UGT1A9: variants seen among roughly 807,000 people sequenced by gnomAD.
UGT1A9 encodes UDP-glucuronosyltransferase 1A9.
In UGT1A9, 35 loss-of-function variants were observed where a neutral mutation model predicts 45.0. That is an observed-to-expected ratio of 0.78 (90% CI 0.59 to 1.03). The LOEUF (loss-of-function observed/expected upper bound fraction) is 1.03, where lower values mean the gene tolerates loss of function less well. Ranked by LOEUF, UGT1A9 falls within the 50% of genes least tolerant of loss-of-function variation. The pLI is 0.00. For missense variants in UGT1A9, 687 were observed against 666.6 expected, an observed-to-expected ratio of 1.03 and a Z score of -0.34; for synonymous variants, 278 against 250.6, an observed-to-expected ratio of 1.11 and a Z score of -1.03.
intron 1 of UGT1A9, among the ~76,000 whole-genome samples, chr2:233,736,119 C>T (rs933260681): frequency 3.9e-5 from 6 of 152,336 alleles, no homozygotes; most frequent in South Asian, 2.1e-4. Context: ...CAACTTGTTT[C>T]CATTCTCCGC....
chr2:233,755,241 A>T, intron 1 of UGT1A9: 1 of 865,322 alleles, frequency 1.2e-6, no homozygotes. Context: ...CTACCGGGGT[A>T]CTCCCAGCAC....
Position 233,690,572 on chromosome 2 carries a change from C to CT in UGT1A9, c.855+17784dup, listed in dbSNP as rs776258044. The CT allele has an allele frequency of 3.1e-6, 4 of 1,288,646 alleles. No individual in the cohort carries two copies. In the South Asian group the frequency reaches 3.7e-5, roughly 12 times the overall value. 79.8% of individuals were successfully genotyped at this position (1,288,646 alleles called of 1,614,324 possible). On this transcript the variant is annotated intron_variant, in intron 1 of 4. Coordinates refer to ENST00000354728, the MANE Select transcript of UGT1A9 (RefSeq NM_021027.3). ...ATGTCCCAAGCCTGAGTCATTCAGC[C>CT]TGCAGCAATCCCTGAGAAAAAAAAA...
At chr2:233,756,457 C>A (rs1258626961) in intron 1 of UGT1A9, 1 of 151,910 alleles carries the variant, frequency 6.6e-6, no homozygotes, top group Non-Finnish European at 1.5e-5. Context: ...CAAATATTTT[C>A]AATCTGCTGT....
At chr2:233,767,818 C>T (rs766005162) in intron 2 of UGT1A9, 31 bp from the exon 3 acceptor site, 60 of 1,614,028 alleles carry the variant, frequency 3.7e-5, no homozygotes, top group Non-Finnish European at 4.5e-5. Context: ...TATGTTCTTT[C>T]TTTACGTTCT....
intron 1 of UGT1A9, among the ~76,000 whole-genome samples, chr2:233,749,032 A>G (rs1468122905): frequency 5.3e-5 from 8 of 151,716 alleles, no homozygotes; most frequent in Non-Finnish European, 1.2e-4. Flanking sequence ...TTTGGGGTTC[A>G]TTGATGTGGT....
chr2:233,688,596 C>T (rs544996820), intron 1 of UGT1A9, among the ~76,000 whole-genome samples: 2 of 152,264 alleles, frequency 1.3e-5, no homozygotes, highest in African/African-American at 4.8e-5. Context: ...GTTGGTGTTA[C>T]AGAATAACAC....
intron 1 of UGT1A9, among the ~76,000 whole-genome samples, chr2:233,762,877 CTT>C (rs1394473755): frequency 6.6e-6 from 1 of 152,136 alleles, no homozygotes; most frequent in East Asian, 1.9e-4. Flanking sequence ...GGTTTCTTCT[CTT>C]ATAAATTCCA....
rs753668254 is a variant in UGT1A9 at position 233,760,974 on chromosome 2, G to A, written c.856-6060G>A. On this transcript the variant is annotated intron_variant, in intron 1 of 4. Coordinates refer to ENST00000354728, the MANE Select transcript of UGT1A9 (RefSeq NM_021027.3). ...TTCTGTGCGACGTGGTTTATTCCCC[G>A]TATGCAACCCTTGCCTCAGAATTCC... 78 of 1,614,002 alleles carry A rather than the reference G, an allele frequency of 4.8e-5. No individual in the cohort carries two copies. Among genetic ancestry groups the A allele is most frequent in the Admixed American group, 2.5e-4 (15 of 59,996 alleles).
rs531044910 is a variant in UGT1A9, at chr2:233,751,112, A to G, written c.856-15922A>G. 2.6e-5 allele frequency among the ~76,000 whole-genome samples: 4 copies of G among 152,082 alleles called. No homozygotes were observed. The South Asian group carries it at 8.3e-4, about 32-fold the overall frequency. On this transcript the variant is annotated intron_variant, in intron 1 of 4. Transcript: ENST00000354728. ...GGAGGAGGGCTTTGCCCTGCAAGCCACAGTGTCCAAGTTGCCTGAGACTGT... is the reference window on the plus strand; with the variant it reads ...GGAGGAGGGCTTTGCCCTGCAAGCCGCAGTGTCCAAGTTGCCTGAGACTGT...
intron 1 of UGT1A9, among the ~76,000 whole-genome samples, chr2:233,744,973 G>T (rs771503200): frequency 1.3e-5 from 2 of 151,732 alleles, no homozygotes; most frequent in African/African-American, 2.4e-5. Context: ...CCTTCTTTAA[G>T]CCTCTAGTCA....
chr2:233,681,819 T>C (rs1194229419), intron 1 of UGT1A9: 1 of 1,500,972 alleles, frequency 6.7e-7, no homozygotes, highest in African/African-American at 1.4e-5. Context: ...GAATTTTTTT[T>C]TAAATGAATG....
intron 1 of UGT1A9, chr2:233,729,638 T>G (rs2077898670): frequency 6.2e-7 from 1 of 1,613,806 alleles, no homozygotes; most frequent in Admixed American, 1.7e-5. Context: ...CCTACTGTGT[T>G]TTTTTTGAGG....
At chr2:233,748,159 A>G (rs963522217) in intron 1 of UGT1A9, 2 of 1,598,928 alleles carry the variant, frequency 1.3e-6, no homozygotes, top group African/African-American at 1.4e-5. Context: ...AATTGCTTCC[A>G]TATCTACTTA....
intron 1 of UGT1A9, chr2:233,743,237 G>A: frequency 2.4e-6 from 1 of 420,010 alleles, no homozygotes; most frequent in Non-Finnish European, 4.6e-6. Context: ...TATTATGAAG[G>A]ACTTTAACTC....
intron 1 of UGT1A9, among the ~76,000 whole-genome samples, chr2:233,751,652 T>C (rs1459670013): frequency 2.0e-5 from 3 of 152,194 alleles, no homozygotes; most frequent in Non-Finnish European, 2.9e-5. Context: ...GCTGTTCTCA[T>C]CCTACTGAGT....
chr2:233,739,170 A>G (rs1447136581), intron 1 of UGT1A9: 1 of 152,280 alleles, frequency 6.6e-6, no homozygotes, highest in Non-Finnish European at 1.5e-5. Context: ...TAGAGGATGT[A>G]AGGAAATGCT....
intron 1 of UGT1A9, among the ~76,000 whole-genome samples, chr2:233,690,102 T>C (rs139237594): frequency 2.0e-5 from 3 of 152,350 alleles, no homozygotes; most frequent in African/African-American, 7.2e-5. Context: ...CTCCTGCATC[T>C]TATGTCACAT....
chr2:233,724,281 C>T (rs1325936815), intron 1 of UGT1A9, among the ~76,000 whole-genome samples: 26 of 111,902 alleles, frequency 2.3e-4, no homozygotes, highest in Non-Finnish European at 2.0e-4. Flanking sequence ...GCTGGCCGGG[C>T]GGGGGGCTGA....
At chr2:233,729,915 G>A in intron 1 of UGT1A9, 3 of 1,613,956 alleles carry the variant, frequency 1.9e-6, no homozygotes, top group Middle Eastern at 3.3e-4. Context: ...ACTTTGTGAT[G>A]GACTACCCCA....
Sources: gnomAD v4.1 joint callset for allele counts (sites outside exome capture counted in the v4.1 genomes callset) on GRCh38, gnomAD v4.1.1 for gene constraint, MANE v1.5 for transcripts, NCBI Gene and HGNC (gene_info 2026-07-23, HGNC 2026-07-21) for gene names.